ITPR3: variants seen among roughly 807,000 people sequenced by gnomAD.
ITPR3 encodes the protein inositol 1,4,5-trisphosphate receptor type 3, also known as inositol 1,4,5-trisphosphate-gated calcium channel ITPR3.
In ITPR3, 173 loss-of-function variants were observed where a neutral mutation model predicts 293.2. The observed-to-expected ratio is 0.59, with a 90% CI of 0.52 to 0.67. The LOEUF is 0.67. Among genes scored for constraint, ITPR3 ranks in the 30% least tolerant of loss-of-function variants. The probability of loss-of-function intolerance (pLI) is 0.00; values close to 1 mark genes in which losing one functional copy is unlikely to be tolerated. For missense variants in ITPR3, 2,796 were observed against 3,592.1 expected (o/e 0.78, Z 5.66); for synonymous variants, 1,295 against 1,444.4 (o/e 0.90, Z 2.35).
Position 33,671,244 on chromosome 6 carries a change from T to G in ITPR3, c.2666T>G (p.Leu889Arg). 2 of 1,613,720 alleles carry G rather than the reference T, an allele frequency of 1.2e-6. No individual in the cohort carries two copies. Among genetic ancestry groups the G allele is most frequent in the Non-Finnish European group, 1.7e-6 (2 of 1,180,004 alleles). ...SELLRLTRTL[L>R]GIIDCVQGPP... Reference sequence around the variant, plus strand: ...CTGCTGCGGCTCACTCGCACACTGCTGGGCATCATCGACTGTGTGCAGGGG... The same window carrying G: ...CTGCTGCGGCTCACTCGCACACTGCGGGGCATCATCGACTGTGTGCAGGGG... The change falls in exon 21 of 58, where the codon CTG becomes CGG. Residue 889 changes from leucine to arginine, a missense_variant. Around this residue, in one of 8 missense-constraint regions of ITPR3, gnomAD observed 955 missense variants for 1,180.8 expected, o/e 0.81. Transcript: ENST00000605930.
chr6:33,665,109 C>T lies in ITPR3; in HGVS notation c.1305C>T (p.Pro435=), dbSNP rs1405155961. The change falls in exon 13 of 58, where the codon CCC becomes CCT. Residue 435 remains proline (P), a synonymous_variant. Coordinates refer to ENST00000605930, the MANE Select transcript of ITPR3 (RefSeq NM_002224.4). Reference sequence around the variant, plus strand: ...AGGCCTTTGCCATCGTGTCAGTGCCCGTGTCTGAGATCCGAGACCTGGACT... The same window carrying T: ...AGGCCTTTGCCATCGTGTCAGTGCCTGTGTCTGAGATCCGAGACCTGGACT... The part of the protein sequence containing the change: ...DKEAFAIVSV[P]VSEIRDLDFA... 33 of 1,614,144 alleles carry T rather than the reference C, an allele frequency of 2.0e-5. No individual in the cohort carries two copies. The highest frequency in any genetic ancestry group is 1.6e-4 in the Middle Eastern group (1 of 6,062).
In ITPR3 at chr6:33,654,508, C is replaced by T. The variant is rs1238658753; in HGVS notation, c.161-1258C>T. ...CCCGATGGTCCCATGGAGCTTTTGCCTCCTTATGAACTGGATGGAAAATCT... is the reference window on the plus strand; with the variant it reads ...CCCGATGGTCCCATGGAGCTTTTGCTTCCTTATGAACTGGATGGAAAATCT... On this transcript the variant is annotated intron_variant, in intron 2 of 57. Transcript: ENST00000605930. This position sits in a 1 kb window ranked among gnomAD's most constrained non-coding sequence, Gnocchi z 4.1. Among the ~76,000 whole-genome samples the T allele has an allele frequency of 2.0e-5, 3 of 152,190 alleles. No homozygotes were observed. Among genetic ancestry groups the T allele is most frequent in the African/African-American group, 7.2e-5 (3 of 41,426 alleles).
In ITPR3 at chr6:33,672,065, A is replaced by C. The variant is rs554997694; in HGVS notation, c.2765A>C (p.His922Pro). 334 of 1,612,776 alleles carry C rather than the reference A, an allele frequency of 2.1e-4. 3 individuals are homozygous for C. The South Asian group carries it at 2.9e-3, about 14-fold the overall frequency. Residue 922 changes from histidine (H) to proline (P), a missense_variant, in exon 22 of 58, where the codon CAC becomes CCC. By Grantham distance (77) the His-to-Pro change is moderately conservative. This residue lies in a region of ITPR3 where 955 missense variants were observed against 1,180.8 expected (regional missense o/e 0.81). Transcript: ENST00000605930. The surrounding 1 kb of genome is among the most constrained non-coding windows in gnomAD (Gnocchi z 5.0). ...NVRRSIQGVG[H>P]MMSTMVLSRK... The stretch of plus-strand genomic sequence containing the variant: ...CGGCGGTCCATCCAGGGCGTGGGGC[A>C]CATGATGTCCACCATGGTGCTGAGC...
Position 33,682,606 on chromosome 6 carries a change from G to A in ITPR3, c.4559G>A (p.Gly1520Asp). 1 of 1,598,056 alleles carries A rather than the reference G, an allele frequency of 6.3e-7. No homozygotes were observed. The highest frequency in any genetic ancestry group is 8.5e-7 in the Non-Finnish European group (1 of 1,173,278). ...ECPWLQQQHK[G>D]SVEACIRTLA... ...CCGTGGCTACAGCAGCAGCACAAGG[G>A]CTCCGTGGAGGCCTGCATCCGGACC... Residue 1520 changes from glycine to aspartate, a missense_variant, in exon 34 of 58, where the codon GGC becomes GAC. Physicochemically the swap from Gly to Asp is moderately conservative, Grantham distance 94. Coordinates refer to ENST00000605930, the MANE Select transcript of ITPR3 (RefSeq NM_002224.4). The surrounding 1 kb of genome is among the most constrained non-coding windows in gnomAD (Gnocchi z 5.4).
chr6:33,637,695 C>T (rs923550243), intron 1 of ITPR3, among the ~76,000 whole-genome samples: 1 of 151,624 alleles, frequency 6.6e-6, no homozygotes, highest in East Asian at 1.9e-4. Flanking sequence ...GTGACTCGAT[C>T]TCGGCTCACT....
intron 1 of ITPR3, among the ~76,000 whole-genome samples, chr6:33,634,604 C>T (rs1011402504): frequency 2.8e-4 from 43 of 152,084 alleles, no homozygotes; most frequent in African/African-American, 9.7e-4. Context: ...CTGACCGGTC[C>T]CTCCCTTCTC....
Position 33,654,209 on chromosome 6 carries a change from A to G in ITPR3, c.161-1557A>G, listed in dbSNP as rs1764255880. Among the ~76,000 whole-genome samples the G allele has an allele frequency of 6.6e-6, 1 of 152,174 alleles. No homozygotes were observed. Reference sequence around the variant, plus strand: ...CTTGAGCCTGGGAGGTGGAGGTTGCAGTGAGCCGAGATTGCATCACTGCAC... The same window carrying G: ...CTTGAGCCTGGGAGGTGGAGGTTGCGGTGAGCCGAGATTGCATCACTGCAC... On this transcript the variant is annotated intron_variant, in intron 2 of 57. Coordinates refer to ENST00000605930, the MANE Select transcript of ITPR3 (RefSeq NM_002224.4). The surrounding 1 kb of genome is among the most constrained non-coding windows in gnomAD (Gnocchi z 4.1).
chr6:33,623,608 C>T (rs1229965796), intron 1 of ITPR3, among the ~76,000 whole-genome samples: 2 of 152,048 alleles, frequency 1.3e-5, no homozygotes, highest in African/African-American at 2.4e-5. Flanking sequence ...AACCACCGTG[C>T]CCTGCCTAGC....
intron 2 of ITPR3, among the ~76,000 whole-genome samples, chr6:33,649,977 A>T (rs1764150480): frequency 6.6e-6 from 1 of 152,204 alleles, no homozygotes; most frequent in Admixed American, 6.5e-5. Flanking sequence ...TATTTAATAA[A>T]TGAATAGCCT....
intron 1 of ITPR3, among the ~76,000 whole-genome samples, chr6:33,630,415 G>C (rs1006331677): frequency 6.6e-6 from 1 of 152,354 alleles, no homozygotes; most frequent in East Asian, 1.9e-4. Flanking sequence ...CCAGTTCTGG[G>C]TTATGGAGAG....
In ITPR3 at chr6:33,672,254, G is replaced by A; in HGVS notation, c.2928+26G>A. On this transcript the variant is annotated intron_variant, in intron 22 of 57. Coordinates refer to ENST00000605930, the MANE Select transcript of ITPR3 (RefSeq NM_002224.4). This position sits in a 1 kb window ranked among gnomAD's most constrained non-coding sequence, Gnocchi z 5.0. ...GTGCCTGGGCCAGGACCGTGTGGGA[G>A]GTGTTGGGTATAGGGGGAGGGTAAT... The A allele has an allele frequency of 6.2e-7, 1 of 1,607,652 alleles. No individual in the cohort carries two copies. The highest frequency in any genetic ancestry group is 8.5e-7 in the Non-Finnish European group (1 of 1,175,286).
rs375520723 is a variant in ITPR3 at position 33,638,425 on chromosome 6, C to T, written c.90-2059C>T. Among the ~76,000 whole-genome samples, 7 of 152,334 alleles carry T rather than the reference C, an allele frequency of 4.6e-5. No individual in the cohort carries two copies. The highest frequency in any genetic ancestry group is 1.9e-4 in the East Asian group (1 of 5,194). ...TGAAAATGGGAACCCTCAAATTACA[C>T]GGTTATTCCCCGGCAGCCCCATCCT... On this transcript the variant is annotated intron_variant, in intron 1 of 57. Coordinates refer to ENST00000605930, the MANE Select transcript of ITPR3 (RefSeq NM_002224.4). The surrounding 1 kb of genome is among the most constrained non-coding windows in gnomAD (Gnocchi z 4.3).
In ITPR3 at chr6:33,679,602, G is replaced by A. The variant is rs926474922; in HGVS notation, c.3973-280G>A. Among the ~76,000 whole-genome samples the A allele has an allele frequency of 2.0e-5, 3 of 152,184 alleles. No homozygotes were observed. Among genetic ancestry groups the A allele is most frequent in the African/African-American group, 7.2e-5 (3 of 41,428 alleles). On this transcript the variant is annotated intron_variant, in intron 30 of 57. Transcript: ENST00000605930. This position sits in a 1 kb window ranked among gnomAD's most constrained non-coding sequence, Gnocchi z 4.2. ...AGGGGGTGAGCAAGGCGGGATTAGC[G>A]AGGCTTCCTGGAGGAAGCTGCCTCT...
Position 33,663,450 on chromosome 6 carries a change from G to T in ITPR3, c.955-50G>T, listed in dbSNP as rs929859316. On this transcript the variant is annotated intron_variant, in intron 9 of 57. Coordinates refer to ENST00000605930, the MANE Select transcript of ITPR3 (RefSeq NM_002224.4). ...ACCATGTTTTGCAGTGGGTCGTGTG[G>T]GTATAGTTTGGTGTCCAGTAGCTCC... 4 of 1,550,396 alleles carry T rather than the reference G, an allele frequency of 2.6e-6. No homozygotes were observed. In the African/African-American group the frequency reaches 4.2e-5, roughly 16 times the overall value.
At chr6:33,662,073 G>A (rs1388092074) in intron 7 of ITPR3, among the ~76,000 whole-genome samples, 1 of 148,448 alleles carries the variant, frequency 6.7e-6, no homozygotes, top group African/African-American at 2.5e-5. Flanking sequence ...CCTCCATGCT[G>A]CCCCCATCCA....
rs1444197323 is a variant in ITPR3, at chr6:33,682,992, C to CG, written c.4598-209dup. Among the ~76,000 whole-genome samples, 6 of 150,844 alleles carry CG rather than the reference C, an allele frequency of 4.0e-5. No individual in the cohort carries two copies. The highest frequency in any genetic ancestry group is 1.5e-4 in the African/African-American group (6 of 40,842). On this transcript the variant is annotated intron_variant, in intron 34 of 57. Coordinates refer to ENST00000605930, the MANE Select transcript of ITPR3 (RefSeq NM_002224.4). The surrounding 1 kb of genome is among the most constrained non-coding windows in gnomAD (Gnocchi z 5.4). Reference sequence around the variant, plus strand: ...GAGGAAGGGGAAGTCAGGGTAGAGCCGGGGGGAATCAAAGAGGCAGAAACT... The same window carrying CG: ...GAGGAAGGGGAAGTCAGGGTAGAGCCGGGGGGGAATCAAAGAGGCAGAAACT...
rs1288105374 is a variant in ITPR3 at position 33,694,928 on chromosome 6, A to G, written c.7790A>G (p.Lys2597Arg). 1 of 1,614,024 alleles carries G rather than the reference A, an allele frequency of 6.2e-7. No homozygotes were observed. Among genetic ancestry groups the G allele is most frequent in the African/African-American group, 1.3e-5 (1 of 74,950 alleles). ...CCCACTGGTGATGTTTTTCAGAACA[A>G]GAACCTGGACTGGTTCCCCCGGATG... ...ESYVAQMIKNKNLDWFPRMRA... is the reference protein window; with the variant it reads ...ESYVAQMIKNRNLDWFPRMRA... The change falls in exon 57 of 58, where the codon AAG (lysine) becomes AGG (arginine). Residue 2597 changes from lysine to arginine, a missense_variant. Transcript: ENST00000605930.
In ITPR3 at chr6:33,673,656, T is replaced by C. The variant is rs1382036258; in HGVS notation, c.2994T>C (p.Phe998=). The change falls in exon 23 of 58, where the codon TTT becomes TTC. Residue 998 remains phenylalanine (F), a synonymous_variant. Coordinates refer to ENST00000605930, the MANE Select transcript of ITPR3 (RefSeq NM_002224.4). ...TGCTGTCTGTCTTCAAGAAGGAGTT[T>C]GTGGAGGTGTTTCCCATGCAGGACA... ...SYLLSVFKKE[F]VEVFPMQDSG... is the part of the protein sequence containing the mutation. 6.2e-7 allele frequency: 1 copy of C among 1,614,190 alleles called. No individual in the cohort carries two copies.
intron 56 of ITPR3, among the ~76,000 whole-genome samples, chr6:33,693,919 G>A (rs1266000470): frequency 2.0e-5 from 3 of 152,266 alleles, no homozygotes; most frequent in African/African-American, 7.2e-5. Flanking sequence ...AGCAGCAGCT[G>A]GAAGCAGCTC....
Sources: allele counts gnomAD v4.1 joint callset (sites outside exome capture counted in the v4.1 genomes callset), GRCh38; gene constraint gnomAD v4.1.1; regional missense constraint gnomAD v4.1.1; non-coding constraint Gnocchi (gnomAD v3.1); transcripts MANE v1.5; gene names NCBI Gene and HGNC (gene_info 2026-07-23, HGNC 2026-07-21).